Variants in COL4A3 observed in about 807,000 individuals in gnomAD.
COL4A3 encodes the protein collagen alpha-3(IV) chain.
COL4A3 carries 135 observed loss-of-function variants against 217.4 expected under a neutral mutation model. The ratio of observed to expected loss-of-function variants is 0.62; its 90% confidence interval spans 0.54 to 0.72. The LOEUF is 0.72. Among genes scored for constraint, COL4A3 ranks in the 30% least tolerant of loss-of-function variants. The pLI is 0.00. For missense variants in COL4A3, 1,868 were observed against 2,119.9 expected (o/e 0.88, Z 2.33); for synonymous variants, 690 against 736.3 (o/e 0.94, Z 1.02).
At chr2:227,197,291 G>T (rs148245608) in intron 1 of COL4A3, among the ~76,000 whole-genome samples, 9 of 151,984 alleles carry the variant, frequency 5.9e-5, no homozygotes. Flanking sequence ...ATCTCAGCTC[G>T]CTGCAACCTC....
In COL4A3 at chr2:227,265,400, T is replaced by C. The variant is rs542011250; in HGVS notation, c.1316-1017T>C. 4.6e-5 allele frequency: 7 copies of C among 152,344 alleles called. No homozygotes were observed. The South Asian group carries it at 1.4e-3, about 32-fold the overall frequency. The allele number at this position is 152,344 out of a possible 1,614,324, so 9.4% of individuals were successfully genotyped here. ...CTGAAATTTGGGACAGCTATGGTAGTGTTTTTAAATATTTACTTTCATCAC... is the reference window on the plus strand; with the variant it reads ...CTGAAATTTGGGACAGCTATGGTAGCGTTTTTAAATATTTACTTTCATCAC... On this transcript the variant is annotated intron_variant, in intron 21 of 51. Transcript: ENST00000396578.
At position 227,284,293 on chromosome 2, in the gene COL4A3, G is replaced by A. The variant is rs756705325; in HGVS notation, c.2829G>A (p.Gly943=). ...AACAAGGAGATAAAGGAAATCCCGGGCCTTCAGAGATATCCCACGTAATAG... is the reference window on the plus strand; with the variant it reads ...AACAAGGAGATAAAGGAAATCCCGGACCTTCAGAGATATCCCACGTAATAG... ...KGEQGDKGNP[G]PSEISHVIGD... The change falls in exon 34 of 52, where the codon GGG becomes GGA. Residue 943 remains glycine, a synonymous_variant. Coordinates refer to ENST00000396578, the MANE Select transcript of COL4A3 (RefSeq NM_000091.5). 1.2e-6 allele frequency: 2 copies of A among 1,614,112 alleles called. No individual in the cohort carries two copies. Among genetic ancestry groups the A allele is most frequent in the South Asian group, 1.1e-5 (1 of 91,056 alleles).
chr2:227,205,753 A>G (rs780106357), intron 1 of COL4A3, among the ~76,000 whole-genome samples: 29 of 151,276 alleles, frequency 1.9e-4, no homozygotes, highest in Non-Finnish European at 3.5e-4. Flanking sequence ...ACTCTCTTAA[A>G]CATTTCCTGA....
At chr2:227,255,587 A>G (rs2070110224) in intron 15 of COL4A3, among the ~76,000 whole-genome samples, 2 of 152,214 alleles carry the variant, frequency 1.3e-5, no homozygotes, top group South Asian at 4.1e-4. Flanking sequence ...TTTTATACAT[A>G]TATTTAAATA....
At chr2:227,187,398 C>A (rs928523039) in intron 1 of COL4A3, among the ~76,000 whole-genome samples, 16 of 152,094 alleles carry the variant, frequency 1.1e-4, no homozygotes, top group Admixed American at 9.8e-4. Flanking sequence ...ATGGTGTGAT[C>A]ATGGCAGGGG....
intron 1 of COL4A3, among the ~76,000 whole-genome samples, chr2:227,235,835 G>A (rs11883569): frequency 0.33 from 48,028 of 143,468 alleles, 8,245 homozygotes; most frequent in Non-Finnish European, 0.36. Context: ...GTGCAATGGC[G>A]CAATCTCGGC....
chr2:227,165,442 T>C (rs1185901643), intron 1 of COL4A3, among the ~76,000 whole-genome samples: 1 of 152,208 alleles, frequency 6.6e-6, no homozygotes, highest in African/African-American at 2.4e-5. Context: ...TTTGATTTGA[T>C]TTTTGACTTG....
intron 9 of COL4A3, among the ~76,000 whole-genome samples, chr2:227,249,232 T>TATATATA (rs1559865184): frequency 6.3e-4 from 9 of 14,200 alleles, no homozygotes; most frequent in South Asian, 6.9e-3. Context: ...ATATATATAT[T>TATATATA]TTTTTTTTTT....
intron 28 of COL4A3, 39 bp from the exon 29 acceptor site, chr2:227,279,754 A>G: frequency 7.3e-7 from 1 of 1,375,528 alleles, no homozygotes; most frequent in Non-Finnish European, 1.0e-6. Flanking sequence ...TTTCAATAAG[A>G]CTAATCCTAC....
chr2:227,215,710 C>T (rs1036743905), intron 1 of COL4A3, among the ~76,000 whole-genome samples: 15 of 152,244 alleles, frequency 9.9e-5, no homozygotes, highest in African/African-American at 2.6e-4. Context: ...CCACCCGCCT[C>T]GGCCTCCCAA....
rs768574539 is a variant in COL4A3, at chr2:227,279,865, G to C, written c.2198G>C (p.Gly733Ala). The C allele has an allele frequency of 8.1e-6, 13 of 1,608,100 alleles. No homozygotes were observed. The South Asian group carries it at 1.5e-4, about 18-fold the overall frequency. ...AAAATGGGAGAGCCTGGGTTACCTG[G>C]AAAGCCAGGCCTCCCAGGAGCCAAG... The part of the protein sequence containing the change: ...PGKMGEPGLP[G>A]KPGLPGAKGE... Residue 733 changes from glycine (G) to alanine (A), a missense_variant, in exon 29 of 52, where the codon GGA becomes GCA. This residue lies in a region of COL4A3 where 1,503 missense variants were observed against 1,786.1 expected (regional missense o/e 0.84). Coordinates refer to ENST00000396578, the MANE Select transcript of COL4A3 (RefSeq NM_000091.5).
At chr2:227,257,415 G>A (rs2070252758) in intron 17 of COL4A3, among the ~76,000 whole-genome samples, 188 bp from the exon 18 acceptor site, 1 of 152,170 alleles carries the variant, frequency 6.6e-6, no homozygotes. Flanking sequence ...CCTTGTAGAT[G>A]GGATTCCTTA....
At chr2:227,291,574 AAAAAAC>A (rs2072730203) in intron 37 of COL4A3, among the ~76,000 whole-genome samples, 38 of 50,772 alleles carry the variant, frequency 7.5e-4, no homozygotes, top group East Asian at 2.8e-3. Context: ...AAAAAAAAAA[AAAAAAC>A]AAAAAAAAAA....
chr2:227,233,406 C>T (rs6723547), intron 1 of COL4A3, among the ~76,000 whole-genome samples: 63,385 of 151,896 alleles, frequency 0.42, 13,478 homozygotes, highest in Non-Finnish European at 0.45. Flanking sequence ...AATGATGCCA[C>T]TGAACTCTAA....
intron 17 of COL4A3, chr2:227,256,696 T>C (rs1379120110): frequency 9.3e-6 from 5 of 538,098 alleles, no homozygotes; most frequent in Non-Finnish European, 1.7e-5. Flanking sequence ...GTAGGAAGTT[T>C]GTGGTTATTT....
chr2:227,197,697 C>T (rs1559814435), intron 1 of COL4A3, among the ~76,000 whole-genome samples: 1 of 152,170 alleles, frequency 6.6e-6, no homozygotes, highest in Admixed American at 6.5e-5. Context: ...TTTCTCACAA[C>T]ACATACACAC....
intron 38 of COL4A3, 144 bp downstream of exon 38, chr2:227,293,461 A>C: frequency 1.1e-6 from 1 of 933,280 alleles, no homozygotes; most frequent in Non-Finnish European, 1.6e-6. Context: ...ATTCTAACAC[A>C]CTAAGAGAAT....
chr2:227,191,542 A>G lies in COL4A3; in HGVS notation c.87+26729A>G, dbSNP rs1054147511. On this transcript the variant is annotated intron_variant, in intron 1 of 51. Coordinates refer to ENST00000396578, the MANE Select transcript of COL4A3 (RefSeq NM_000091.5). This position sits in a 1 kb window ranked among gnomAD's most constrained non-coding sequence, Gnocchi z 6.8. ...TGGCCATTCCCCGCATCAAGGATTCAAAGAACCTGCCAAGGGGCTGCAATG... is the reference window on the plus strand; with the variant it reads ...TGGCCATTCCCCGCATCAAGGATTCGAAGAACCTGCCAAGGGGCTGCAATG... 2.0e-5 allele frequency among the ~76,000 whole-genome samples: 3 copies of G among 152,182 alleles called. No homozygotes were observed. The highest frequency in any genetic ancestry group is 7.2e-5 in the African/African-American group (3 of 41,450).
chr2:227,212,147 T>C (rs2067348331), intron 1 of COL4A3, among the ~76,000 whole-genome samples: 1 of 141,932 alleles, frequency 7.0e-6, no homozygotes, highest in Admixed American at 6.9e-5. Context: ...GCACGTATCT[T>C]TTCTGTTTTT....
Sources: gnomAD v4.1 joint callset for allele counts (sites outside exome capture counted in the v4.1 genomes callset) on GRCh38, gnomAD v4.1.1 for gene constraint, gnomAD v4.1.1 regional missense constraint, Gnocchi (gnomAD v3.1) non-coding constraint, MANE v1.5 for transcripts, NCBI Gene and HGNC (gene_info 2026-07-23, HGNC 2026-07-21) for gene names.